POLR1A: variants seen among roughly 807,000 people sequenced by gnomAD.
The protein encoded by POLR1A is DNA-directed RNA polymerase I subunit RPA1.
Under a neutral mutation model 205.3 loss-of-function variants are expected in POLR1A, and 84 were observed. The observed-to-expected ratio is 0.41, with a 90% CI of 0.34 to 0.49. The LOEUF (loss-of-function observed/expected upper bound fraction) is 0.49. Ranked by LOEUF, POLR1A falls within the 20% of genes least tolerant of loss-of-function variation. The probability of loss-of-function intolerance (pLI) is 0.22; values close to 1 mark genes in which losing one functional copy is unlikely to be tolerated. For missense variants in POLR1A, 1,645 were observed against 2,204.5 expected, an observed-to-expected ratio of 0.75 and a Z score of 5.08; for synonymous variants, 799 against 863.7, an observed-to-expected ratio of 0.93 and a Z score of 1.31.
rs1690190651 is a variant in POLR1A at position 86,023,471 on chromosome 2, C to T, written c.*3952G>A. On this transcript the variant is annotated 3_prime_UTR_variant, in exon 34 of 34. Coordinates refer to ENST00000263857, the MANE Select transcript of POLR1A (RefSeq NM_015425.6). ...CAGACACTCCTTAAGTGGTTCCTAA[C>T]TCTCCCCAGGTGCAGAACACTTAAG... 1 of 152,198 alleles carries T rather than the reference C, an allele frequency of 6.6e-6. No individual in the cohort carries two copies. Among genetic ancestry groups the T allele is most frequent in the Non-Finnish European group, 1.5e-5 (1 of 68,042 alleles). The allele number at this position is 152,198 out of a possible 1,614,324, so 9.4% of individuals were successfully genotyped here.
At chr2:86,053,705 G>A (rs746684646) in intron 15 of POLR1A, among the ~76,000 whole-genome samples, 72 of 152,282 alleles carry the variant, frequency 4.7e-4, no homozygotes, top group Admixed American at 2.6e-3. Flanking sequence ...TTCTCCACTG[G>A]GAACATGCAG....
intron 9 of POLR1A, among the ~76,000 whole-genome samples, chr2:86,079,003 G>A (rs149444785): frequency 9.1e-4 from 138 of 152,252 alleles, no homozygotes; most frequent in African/African-American, 3.1e-3. Context: ...TGGCCCAATC[G>A]ACTGGGTATG....
intron 25 of POLR1A, 90 bp downstream of exon 25, chr2:86,040,295 TCATTCAC>T (rs754967493): frequency 5.1e-4 from 492 of 956,484 alleles, no homozygotes; most frequent in Non-Finnish European, 7.0e-4. Context: ...ACACACTCTC[TCATTCAC>T]ACACACTCAC....
At position 86,024,725 on chromosome 2, in the gene POLR1A, C is replaced by T. The variant is rs1690225952; in HGVS notation, c.*2698G>A. On this transcript the variant is annotated 3_prime_UTR_variant, in exon 34 of 34. Coordinates refer to ENST00000263857, the MANE Select transcript of POLR1A (RefSeq NM_015425.6). ...AGCAATAAACCAAAACCCGTCTCTACAAAACAAATAAAAAAACTGTTAGAA... is the reference window on the plus strand; with the variant it reads ...AGCAATAAACCAAAACCCGTCTCTATAAAACAAATAAAAAAACTGTTAGAA... 6.6e-6 allele frequency: 1 copy of T among 152,042 alleles called. No homozygotes were observed. The highest frequency in any genetic ancestry group is 2.1e-4 in the South Asian group (1 of 4,816). The allele number at this position is 152,042 out of a possible 1,614,324, so 9.4% of individuals were successfully genotyped here.
chr2:86,058,202 G>A (rs1672931928), intron 14 of POLR1A, among the ~76,000 whole-genome samples: 1 of 152,188 alleles, frequency 6.6e-6, no homozygotes, highest in Non-Finnish European at 1.5e-5. Flanking sequence ...CTGGGTTCAA[G>A]TGATTCTTTT....
At chr2:86,077,727 A>G in intron 11 of POLR1A, 132 bp downstream of exon 11, 1 of 1,103,094 alleles carries the variant, frequency 9.1e-7, no homozygotes, top group South Asian at 1.4e-5. Flanking sequence ...AGCCAGAATA[A>G]TCTGCTGCAC....
At position 86,044,155 on chromosome 2, in the gene POLR1A, A is replaced by C; in HGVS notation, c.3119T>G (p.Leu1040Arg). Residue 1040 changes from leucine to arginine, a missense_variant, in exon 22 of 34, where the codon CTG becomes CGG. Physicochemically the swap from Leu to Arg is moderately radical, Grantham distance 102. Coordinates refer to ENST00000263857, the MANE Select transcript of POLR1A (RefSeq NM_015425.6). The stretch of plus-strand genomic sequence containing the variant: ...GCACACTACCTCGTAGTTGCTGGCC[A>C]GGAAGGGGAACTGCTTGGGCTGCAG... ...QFLQPKQFPF[L>R]ASNYEVIMKS... 6.2e-7 allele frequency: 1 copy of C among 1,614,130 alleles called. No individual in the cohort carries two copies. Among genetic ancestry groups the C allele is most frequent in the East Asian group, 2.2e-5 (1 of 44,874 alleles).
chr2:86,103,751 G>A (rs922943342), intron 1 of POLR1A, among the ~76,000 whole-genome samples: 2 of 152,180 alleles, frequency 1.3e-5, no homozygotes, highest in African/African-American at 4.8e-5. Flanking sequence ...AGTGGAGGAA[G>A]ACAAATATAC....
In POLR1A at chr2:86,070,262, T is replaced by A; in HGVS notation, c.1622A>T (p.His541Leu). The A allele has an allele frequency of 6.2e-7, 1 of 1,609,360 alleles. No homozygotes were observed. The highest frequency in any genetic ancestry group is 8.5e-7 in the Non-Finnish European group (1 of 1,176,604). ...TAGCAGAATGTCCCCATTCTTCACA[T>A]GCCGGCACACCTGGGAACAGAGTGG... is the stretch of plus-strand genomic sequence containing the variant. ...KPQGTKIVCR[H>L]VKNGDILLLN... The change falls in exon 13 of 34, where the codon CAT becomes CTT. Residue 541 changes from histidine to leucine, a missense_variant. Transcript: ENST00000263857. The surrounding 1 kb of genome is among the most constrained non-coding windows in gnomAD (Gnocchi z 4.4).
intron 14 of POLR1A, among the ~76,000 whole-genome samples, chr2:86,055,560 C>T (rs1206525711): frequency 6.6e-6 from 1 of 152,192 alleles, no homozygotes; most frequent in Non-Finnish European, 1.5e-5. Flanking sequence ...CTACTTCAAG[C>T]TGCACCTCAA....
chr2:86,054,632 A>G lies in POLR1A; in HGVS notation c.2059-343T>C, dbSNP rs1037340509. ...GGAGAGGAAAAAGTAAATTGTTTTC[A>G]TTTTATGCCACATACTCAGATATTT... On this transcript the variant is annotated intron_variant, in intron 14 of 33. Coordinates refer to ENST00000263857, the MANE Select transcript of POLR1A (RefSeq NM_015425.6). Among the ~76,000 whole-genome samples, 15 of 152,370 alleles carry G rather than the reference A, an allele frequency of 9.8e-5. 1 individual carries two copies. The highest frequency in any genetic ancestry group is 1.9e-4 in the East Asian group (1 of 5,184).
chr2:86,063,692 T>G (rs948518770), intron 14 of POLR1A, among the ~76,000 whole-genome samples: 8 of 152,174 alleles, frequency 5.3e-5, no homozygotes, highest in Admixed American at 1.3e-4. Flanking sequence ...TATCCAGGAA[T>G]GCAAGGTTGG....
intron 27 of POLR1A, 130 bp from the exon 28 acceptor site, chr2:86,033,917 T>C (rs2104382809): frequency 8.8e-7 from 1 of 1,131,434 alleles, no homozygotes; most frequent in East Asian, 2.5e-5. Flanking sequence ...CAGCCTCTCC[T>C]AGCCACTCAC....
chr2:86,041,443 T>C (rs1005932624), intron 24 of POLR1A, among the ~76,000 whole-genome samples: 1 of 151,964 alleles, frequency 6.6e-6, no homozygotes, highest in Non-Finnish European at 1.5e-5. Flanking sequence ...GGCCTTCAAA[T>C]GGGAACCCAA....
At chr2:86,077,055 G>A (rs1405258847) in intron 11 of POLR1A, among the ~76,000 whole-genome samples, 1 of 152,188 alleles carries the variant, frequency 6.6e-6, no homozygotes, top group Non-Finnish European at 1.5e-5. Context: ...TGAGGCCATG[G>A]GGACACAGGA....
At position 86,022,834 on chromosome 2, in the gene POLR1A, T is replaced by C. The variant is rs1244886058; in HGVS notation, c.*4589A>G. ...AGCTCAAGTGATCCTCCTGCCTGAG[T>C]CTCTTAAAGTGCTGGGACTGTAAGC... On this transcript the variant is annotated 3_prime_UTR_variant, in exon 34 of 34. Coordinates refer to ENST00000263857, the MANE Select transcript of POLR1A (RefSeq NM_015425.6). 1 of 151,980 alleles carries C rather than the reference T, an allele frequency of 6.6e-6. No individual in the cohort carries two copies. The highest frequency in any genetic ancestry group is 1.9e-4 in the East Asian group (1 of 5,176). The allele number at this position is 151,980 out of a possible 1,614,324, so 9.4% of individuals were successfully genotyped here.
chr2:86,044,193 G>A lies in POLR1A; in HGVS notation c.3081C>T (p.Pro1027=). ...FLYGEDGLDI[P]KTQFLQPKQF... ...GCTTGGGCTGCAGGAACTGTGTCTT[G>A]GGGATGTCCAGGCCATCCTCCCCAT... Residue 1027 remains proline, a synonymous_variant, in exon 22 of 34, where the codon CCC becomes CCT. Coordinates refer to ENST00000263857, the MANE Select transcript of POLR1A (RefSeq NM_015425.6). 1 of 1,614,152 alleles carries A rather than the reference G, an allele frequency of 6.2e-7. No individual in the cohort carries two copies. Among genetic ancestry groups the A allele is most frequent in the Non-Finnish European group, 8.5e-7 (1 of 1,180,016 alleles).
intron 2 of POLR1A, 26 bp from the exon 3 acceptor site, chr2:86,098,786 A>T (rs1393048785): frequency 6.2e-7 from 1 of 1,612,446 alleles, no homozygotes. Context: ...AAAAACAAAC[A>T]GGATATTAGA....
At chr2:86,095,615 T>A (rs1017493116) in intron 3 of POLR1A, among the ~76,000 whole-genome samples, 1 of 152,094 alleles carries the variant, frequency 6.6e-6, no homozygotes, top group African/African-American at 2.4e-5. Flanking sequence ...GATCTGGTCA[T>A]CCCCACTTTA....
Sources: gnomAD v4.1 joint callset for allele counts (sites outside exome capture counted in the v4.1 genomes callset) on GRCh38, gnomAD v4.1.1 for gene constraint, Gnocchi (gnomAD v3.1) non-coding constraint, MANE v1.5 for transcripts, NCBI Gene and HGNC (gene_info 2026-07-23, HGNC 2026-07-21) for gene names.